CTNNA1: variants seen among roughly 807,000 people sequenced by gnomAD.
The protein encoded by CTNNA1 is catenin alpha-1.
A neutral mutation model predicts 98.4 loss-of-function variants in CTNNA1; 37 were observed. That is an observed-to-expected ratio of 0.38 (90% confidence interval 0.29 to 0.49). CTNNA1 has a LOEUF of 0.49. Ranked by LOEUF, CTNNA1 falls within the 20% of genes least tolerant of loss-of-function variation. CTNNA1 has a pLI of 0.95. For missense variants in CTNNA1, 761 were observed against 1,147.2 expected (o/e 0.66, Z 4.86); for synonymous variants, 404 against 413.2 (o/e 0.98, Z 0.27).
intron 1 of CTNNA1, 190 bp downstream of exon 1, chr5:138,753,700 C>T: frequency 3.0e-6 from 1 of 328,482 alleles, no homozygotes; most frequent in Non-Finnish European, 5.5e-6. Context: ...CCGGCGGTCC[C>T]TTCCCCCGCA....
intron 3 of CTNNA1, among the ~76,000 whole-genome samples, chr5:138,790,167 C>A (rs1756196809): frequency 6.6e-6 from 1 of 152,152 alleles, no homozygotes; most frequent in Non-Finnish European, 1.5e-5. Context: ...ACTGCTATAA[C>A]AGAATTGATG....
rs940269597 is a variant in CTNNA1, at chr5:138,762,326, C to T, written c.-3+8816C>T. Among the ~76,000 whole-genome samples the T allele has an allele frequency of 1.5e-4, 23 of 152,250 alleles. No homozygotes were observed. The South Asian group carries it at 1.9e-3, about 12-fold the overall frequency. On this transcript the variant is annotated intron_variant, in intron 1 of 17. Coordinates refer to ENST00000302763, the MANE Select transcript of CTNNA1 (RefSeq NM_001903.5). ...TGAACAGTGTGGGGAATTAGTCCAG[C>T]GTGACTTGCCTTGTCTCATGCTGTT...
chr5:138,767,223 A>G (rs1423932776), intron 1 of CTNNA1, among the ~76,000 whole-genome samples: 1 of 152,028 alleles, frequency 6.6e-6, no homozygotes, highest in Admixed American at 6.6e-5. Context: ...TTTTTAGTAG[A>G]GACAGGGTTT....
chr5:138,829,474 C>G (rs1027310899), intron 7 of CTNNA1, among the ~76,000 whole-genome samples: 2 of 152,262 alleles, frequency 1.3e-5, no homozygotes, highest in Admixed American at 1.3e-4. Flanking sequence ...TAAATCTGTT[C>G]CGATTGCTCC....
At chr5:138,932,341 C>T (rs2150346989) in intron 16 of CTNNA1, 1 of 1,345,186 alleles carries the variant, frequency 7.4e-7, no homozygotes, top group Non-Finnish European at 9.5e-7. Flanking sequence ...GGCTATACAA[C>T]CAGTGCCATG....
intron 5 of CTNNA1, among the ~76,000 whole-genome samples, chr5:138,819,999 C>T (rs1312832771): frequency 6.6e-6 from 1 of 151,952 alleles, no homozygotes; most frequent in Non-Finnish European, 1.5e-5. Context: ...TTGCTCTGTG[C>T]CATGATTGTA....
intron 7 of CTNNA1, among the ~76,000 whole-genome samples, chr5:138,833,825 G>T (rs924584918): frequency 6.6e-6 from 1 of 152,186 alleles, no homozygotes; most frequent in Non-Finnish European, 1.5e-5. Flanking sequence ...GACCTTGTAA[G>T]GATAATGTTT....
chr5:138,773,551 C>T (rs1282446099), intron 1 of CTNNA1, among the ~76,000 whole-genome samples: 1 of 152,160 alleles, frequency 6.6e-6, no homozygotes, highest in Non-Finnish European at 1.5e-5. Flanking sequence ...CTATACAGGG[C>T]AGTCTGCTTG....
At chr5:138,931,358 G>T (rs138864081) in intron 16 of CTNNA1, among the ~76,000 whole-genome samples, 4 of 152,230 alleles carry the variant, frequency 2.6e-5, no homozygotes, top group African/African-American at 9.6e-5. Flanking sequence ...GGTTCCTACC[G>T]CCTGGAAATT....
intron 11 of CTNNA1, among the ~76,000 whole-genome samples, chr5:138,924,286 T>TTA (rs1309824944): frequency 2.9e-5 from 4 of 137,938 alleles, no homozygotes; most frequent in African/African-American, 1.1e-4. Context: ...TTTTTTGTTT[T>TTA]TTTTTTTTTA....
intron 7 of CTNNA1, among the ~76,000 whole-genome samples, chr5:138,854,718 T>G (rs1763566838): frequency 6.6e-6 from 1 of 152,244 alleles, no homozygotes; most frequent in African/African-American, 2.4e-5. Flanking sequence ...TTGGATAATT[T>G]TTTCTCATGT....
At chr5:138,812,047 C>G (rs1336108387) in intron 4 of CTNNA1, 136 bp from the exon 5 acceptor site, 2 of 677,538 alleles carry the variant, frequency 3.0e-6, no homozygotes, top group Non-Finnish European at 5.1e-6. Flanking sequence ...GTTAGAAGAC[C>G]ATGCGCAAAC....
chr5:138,889,372 A>T (rs1754835239), intron 9 of CTNNA1, among the ~76,000 whole-genome samples: 1 of 152,184 alleles, frequency 6.6e-6, no homozygotes, highest in Non-Finnish European at 1.5e-5. Flanking sequence ...GTGCAAGTAC[A>T]GTGTACTTCC....
intron 5 of CTNNA1, among the ~76,000 whole-genome samples, chr5:138,812,759 C>T (rs551922324): frequency 1.6e-4 from 25 of 152,230 alleles, no homozygotes; most frequent in African/African-American, 6.0e-4. Context: ...TAGTATTTTC[C>T]ATTGTGTGGC....
At chr5:138,908,375 TA>T (rs1359160715) in intron 10 of CTNNA1, among the ~76,000 whole-genome samples, 1 of 152,188 alleles carries the variant, frequency 6.6e-6, no homozygotes, top group Non-Finnish European at 1.5e-5. Flanking sequence ...ACATTTGAGA[TA>T]GTAAAGTTGA....
At chr5:138,807,008 CTTTTT>C (rs1321047490) in intron 3 of CTNNA1, among the ~76,000 whole-genome samples, 1 of 111,498 alleles carries the variant, frequency 9.0e-6, no homozygotes. Context: ...AGATGTTGGA[CTTTTT>C]TTTTTTTTTT....
intron 5 of CTNNA1, among the ~76,000 whole-genome samples, chr5:138,823,648 A>G (rs1051126055): frequency 2.0e-5 from 3 of 152,174 alleles, no homozygotes; most frequent in Non-Finnish European, 4.4e-5. Context: ...AAATTTCACA[A>G]AACTCTTACA....
intron 10 of CTNNA1, among the ~76,000 whole-genome samples, chr5:138,909,280 T>C (rs1277682783): frequency 6.6e-6 from 1 of 152,162 alleles, no homozygotes; most frequent in Non-Finnish European, 1.5e-5. Context: ...ATGCATGGCT[T>C]TTCTTGGAAA....
At chr5:138,775,792 G>C (rs1198155046) in intron 1 of CTNNA1, among the ~76,000 whole-genome samples, 1 of 142,412 alleles carries the variant, frequency 7.0e-6, no homozygotes, top group African/African-American at 2.6e-5. Flanking sequence ...GCGCGATCTC[G>C]GTTCACTGCA....
Sources: allele counts gnomAD v4.1 joint callset (sites outside exome capture counted in the v4.1 genomes callset), GRCh38; gene constraint gnomAD v4.1.1; transcripts MANE v1.5; gene names NCBI Gene and HGNC (gene_info 2026-07-23, HGNC 2026-07-21).